Variants in TMPRSS7 observed in about 807,000 individuals in gnomAD.
TMPRSS7 encodes the protein transmembrane protease serine 7.
TMPRSS7 carries 81 observed loss-of-function variants against 95.6 expected under a neutral mutation model. The ratio of observed to expected loss-of-function variants is 0.85; its 90% CI spans 0.71 to 1.02. The LOEUF is 1.02. TMPRSS7 is among the 50% of genes least tolerant of loss of function. The pLI is 0.00. For synonymous variants in TMPRSS7, 364 were observed against 337.8 expected, an observed-to-expected ratio of 1.08 and a Z score of -0.85; for missense variants, 945 against 955.2, an observed-to-expected ratio of 0.99 and a Z score of 0.14.
chr3:112,070,524 C>T (rs1161363758), intron 13 of TMPRSS7, among the ~76,000 whole-genome samples: 1 of 152,140 alleles, frequency 6.6e-6, no homozygotes, highest in East Asian at 1.9e-4. Flanking sequence ...GTATTGGGTG[C>T]ATATATATTT....
Position 112,073,730 on chromosome 3 carries a change from A to G in TMPRSS7, c.1667-566A>G, listed in dbSNP as rs1301112978. 2.6e-5 allele frequency among the ~76,000 whole-genome samples: 4 copies of G among 152,220 alleles called. No individual in the cohort carries two copies. In the South Asian group the frequency reaches 8.3e-4, roughly 32 times the overall value. ...TGGTAGTTTCTTTTGTAATACTGGCAGTTTCTTATTGCTTACTTGCTTTTA... is the reference window on the plus strand; with the variant it reads ...TGGTAGTTTCTTTTGTAATACTGGCGGTTTCTTATTGCTTACTTGCTTTTA... On this transcript the variant is annotated intron_variant, in intron 13 of 17. Coordinates refer to ENST00000452346, the Ensembl canonical transcript of TMPRSS7.
At chr3:112,068,442 C>A (rs2073602802) in intron 13 of TMPRSS7, among the ~76,000 whole-genome samples, 1 of 152,206 alleles carries the variant, frequency 6.6e-6, no homozygotes, top group Non-Finnish European at 1.5e-5. Context: ...GATATGGATT[C>A]TTCCTATCCA....
At chr3:112,053,478 G>A (rs1412389411) in intron 9 of TMPRSS7, among the ~76,000 whole-genome samples, 2 of 152,148 alleles carry the variant, frequency 1.3e-5, no homozygotes, top group African/African-American at 4.8e-5. Flanking sequence ...CTCTATATGG[G>A]GATGCCTAGT....
chr3:112,054,342 C>T (rs772494617), intron 9 of TMPRSS7, among the ~76,000 whole-genome samples: 41 of 152,180 alleles, frequency 2.7e-4, no homozygotes, highest in Non-Finnish European at 5.4e-4. Flanking sequence ...GGAACAGAAA[C>T]AGAGAACACA....
intron 13 of TMPRSS7, 23 bp downstream of exon 13, chr3:112,066,525 C>T (rs1161721442): frequency 1.9e-6 from 3 of 1,598,556 alleles, no homozygotes; most frequent in East Asian, 2.2e-5. Flanking sequence ...CCTCTGTGCC[C>T]TGCTGTTCCT....
chr3:112,045,917 T>C (rs201851007), exon 5 of TMPRSS7: 1 of 1,551,610 alleles, frequency 6.4e-7, no homozygotes, highest in Admixed American at 2.0e-5. Context: ...GGACTGGCTG[T>C]GGACATGGAC....
In TMPRSS7 at chr3:112,050,119, T is replaced by C. The variant is rs1288356377; in HGVS notation, c.1090+145T>C. The stretch of plus-strand genomic sequence containing the variant: ...AGGTCCAGTCAGAAGAGAGAGACCA[T>C]ATTAGTTATTTAGACAGAATGAATT... On this transcript the variant is annotated intron_variant, in intron 8 of 17. Transcript: ENST00000452346. 7 of 730,756 alleles carry C rather than the reference T, an allele frequency of 9.6e-6. No homozygotes were observed. In the South Asian group the frequency reaches 2.9e-4, roughly 30 times the overall value. The allele number at this position is 730,756 out of a possible 1,614,324, so 45.3% of individuals were successfully genotyped here.
intron 14 of TMPRSS7, 115 bp from the exon 15 acceptor site, chr3:112,075,203 TAAG>T (rs1396406140): frequency 8.9e-6 from 9 of 1,009,944 alleles, no homozygotes; most frequent in Non-Finnish European, 1.2e-5. Flanking sequence ...GTCCTCTAGA[TAAG>T]GAGATTTCAA....
At chr3:112,051,786 C>T (rs964356806) in intron 9 of TMPRSS7, among the ~76,000 whole-genome samples, 2 of 151,930 alleles carry the variant, frequency 1.3e-5, no homozygotes, top group Non-Finnish European at 2.9e-5. Context: ...CTTTTTCTTT[C>T]TCCACCTATA....
chr3:112,057,072 A>G (rs1559957843), exon 10 of TMPRSS7: 10 of 1,613,434 alleles, frequency 6.2e-6, no homozygotes, highest in South Asian at 1.1e-5. Flanking sequence ...ATAACTATTC[A>G]ATAACCAAGA....
chr3:112,048,974 G>C (rs991273195), intron 7 of TMPRSS7, among the ~76,000 whole-genome samples: 1 of 152,050 alleles, frequency 6.6e-6, no homozygotes, highest in Non-Finnish European at 1.5e-5. Context: ...AGAAGATCTG[G>C]GGGCAGGGAA....
chr3:112,037,903 C>A lies in TMPRSS7; in HGVS notation c.49-169C>A, dbSNP rs571396397. 4.6e-5 allele frequency among the ~76,000 whole-genome samples: 7 copies of A among 152,224 alleles called. No homozygotes were observed. In the East Asian group the frequency reaches 1.3e-3, roughly 29 times the overall value. On this transcript the variant is annotated intron_variant, in intron 1 of 17. Coordinates refer to ENST00000452346, the Ensembl canonical transcript of TMPRSS7. ...CTGATCTTAATTTTGTGACTTGGTG[C>A]AAATCAAGTTATTATACTTATGTAA...
chr3:112,049,113 G>T (rs990576835), intron 7 of TMPRSS7, among the ~76,000 whole-genome samples: 1 of 152,210 alleles, frequency 6.6e-6, no homozygotes, highest in African/African-American at 2.4e-5. Context: ...TGGGGGTCAA[G>T]CCCGGGCCAT....
At chr3:112,037,661 T>C (rs2107734456) in intron 1 of TMPRSS7, among the ~76,000 whole-genome samples, 1 of 152,296 alleles carries the variant, frequency 6.6e-6, no homozygotes, top group Admixed American at 6.5e-5. Flanking sequence ...ACTTGCTGGT[T>C]TTGTGGCTGA....
intron 13 of TMPRSS7, among the ~76,000 whole-genome samples, chr3:112,068,432 G>A (rs747159442): frequency 3.3e-5 from 5 of 152,218 alleles, no homozygotes; most frequent in Non-Finnish European, 5.9e-5. Flanking sequence ...CCATTTTCAT[G>A]ATATGGATTC....
intron 17 of TMPRSS7, among the ~76,000 whole-genome samples, chr3:112,079,124 T>G (rs1483634298): frequency 6.6e-6 from 1 of 152,224 alleles, no homozygotes; most frequent in Non-Finnish European, 1.5e-5. Context: ...GAGGATGAGG[T>G]CAGCATTCAT....
At chr3:112,078,818 G>A in exon 17 of TMPRSS7, 1 of 1,614,140 alleles carries the variant, frequency 6.2e-7, no homozygotes, top group Non-Finnish European at 8.5e-7. Context: ...CCACCTACGG[G>A]ATCATCACTT....
intron 13 of TMPRSS7, 83 bp from the exon 14 acceptor site, chr3:112,074,213 G>A (rs752074324): frequency 2.4e-4 from 231 of 978,372 alleles, no homozygotes; most frequent in Non-Finnish European, 3.4e-4. Context: ...TTTTTATGGG[G>A]TTTGGAGTTA....
chr3:112,074,329 G>A, exon 14 of TMPRSS7: 1 of 1,614,044 alleles, frequency 6.2e-7, no homozygotes, highest in Non-Finnish European at 8.5e-7. Flanking sequence ...TTTAAGTGTG[G>A]CAATGATATT....
Sources: allele counts gnomAD v4.1 joint callset (sites outside exome capture counted in the v4.1 genomes callset), GRCh38; gene constraint gnomAD v4.1.1; transcripts MANE v1.5; gene names NCBI Gene and HGNC (gene_info 2026-07-23, HGNC 2026-07-21).